GORAB: variants seen among roughly 807,000 people sequenced by gnomAD.
GORAB encodes the protein golgin, RAB6 interacting.
In GORAB, 17 loss-of-function variants were observed where a neutral mutation model predicts 29.9. The observed-to-expected ratio is 0.57, with a 90% CI of 0.39 to 0.85. The LOEUF is 0.85. Among genes scored for constraint, GORAB ranks in the 40% least tolerant of loss-of-function variants. The pLI is 0.00. For missense variants in GORAB, 442 were observed against 437.8 expected (o/e 1.01, Z -0.09); for synonymous variants, 183 against 157.2 (o/e 1.16, Z -1.23).
In GORAB at chr1:170,544,832, T is replaced by A. The variant is rs749490786; in HGVS notation, c.649T>A (p.Tyr217Asn). The change falls in exon 4 of 5, where the codon TAT becomes AAT. Residue 217 changes from tyrosine to asparagine, a missense_variant. By Grantham distance (143) the Tyr-to-Asn change is moderately radical. Coordinates refer to ENST00000367763, the MANE Select transcript of GORAB (RefSeq NM_152281.3). ...CCGGATTGATCAGGCCAGCTTAGAC[T>A]ATTCATACGCTCGGTGAGTTGGGGA... ...RNRIDQASLDYSYARKRFDRA... is the reference protein window; with the variant it reads ...RNRIDQASLDNSYARKRFDRA... 6.2e-7 allele frequency: 1 copy of A among 1,611,462 alleles called. No individual in the cohort carries two copies. Among genetic ancestry groups the A allele is most frequent in the Non-Finnish European group, 8.5e-7 (1 of 1,177,890 alleles).
intron 2 of GORAB, 35 bp downstream of exon 2, chr1:170,539,602 T>C: frequency 6.2e-7 from 1 of 1,600,996 alleles, no homozygotes; most frequent in Middle Eastern, 1.7e-4. Flanking sequence ...CATGAGACTT[T>C]TCATTTAACC....
At chr1:170,534,129 G>A (rs1648896424) in intron 1 of GORAB, among the ~76,000 whole-genome samples, 1 of 152,134 alleles carries the variant, frequency 6.6e-6, no homozygotes, top group South Asian at 2.1e-4. Flanking sequence ...TAAGAAGTTG[G>A]AAACAACCAA....
At position 170,552,167 on chromosome 1, in the gene GORAB, A is replaced by G; in HGVS notation, c.815A>G (p.Gln272Arg). The change falls in exon 5 of 5, where the codon CAA becomes CGA. Residue 272 changes from glutamine (Q) to arginine (R), a missense_variant. Transcript: ENST00000367763. ...GCCAAGAAGTTGGAGGAGTTGATGCAACAACTAGATGTAGAAGCCGATGAA... is the reference window on the plus strand; with the variant it reads ...GCCAAGAAGTTGGAGGAGTTGATGCGACAACTAGATGTAGAAGCCGATGAA... ...RKAKKLEELMQQLDVEADEET... is the reference protein window; with the variant it reads ...RKAKKLEELMRQLDVEADEET... 5.6e-6 allele frequency: 9 copies of G among 1,614,126 alleles called. No homozygotes were observed. The highest frequency in any genetic ancestry group is 5.9e-6 in the Non-Finnish European group (7 of 1,179,990).
At chr1:170,540,026 C>T (rs555297043) in intron 2 of GORAB, among the ~76,000 whole-genome samples, 8 of 148,182 alleles carry the variant, frequency 5.4e-5, no homozygotes, top group African/African-American at 1.5e-4. Context: ...AGTGCAATGG[C>T]GCAATCACAG....
rs1027062557 is a variant in GORAB at position 170,553,510 on chromosome 1, G to A, written c.*1048G>A. On this transcript the variant is annotated 3_prime_UTR_variant, in exon 5 of 5. Transcript: ENST00000367763. ...TCCAAAAAGTAAAAATATTACCTTT[G>A]AGGACTTTTTTTTTTTAAAAAAAGA... The A allele has an allele frequency of 3.0e-5, 13 of 430,270 alleles. No individual in the cohort carries two copies. The highest frequency in any genetic ancestry group is 7.9e-4 in the Middle Eastern group (1 of 1,270). The allele number at this position is 430,270 out of a possible 1,614,324, so 26.7% of individuals were successfully genotyped here.
At chr1:170,534,991 G>A (rs1045182982) in intron 1 of GORAB, among the ~76,000 whole-genome samples, 6 of 152,212 alleles carry the variant, frequency 3.9e-5, no homozygotes, top group African/African-American at 1.4e-4. Flanking sequence ...ATAAAGATTT[G>A]GTTTTCACTC....
At chr1:170,544,904 G>A in intron 4 of GORAB, 59 bp downstream of exon 4, 1 of 1,578,048 alleles carries the variant, frequency 6.3e-7, no homozygotes, top group Non-Finnish European at 8.7e-7. Context: ...TTTATTGCCA[G>A]CTGTTCCAGG....
chr1:170,551,988 G>A, intron 4 of GORAB, 27 bp from the exon 5 acceptor site: 3 of 1,591,640 alleles, frequency 1.9e-6, no homozygotes, highest in Non-Finnish European at 2.6e-6. Flanking sequence ...AAAACTGATG[G>A]ACCTATCTTT....
At chr1:170,536,258 C>A (rs1649054541) in intron 1 of GORAB, 1 of 152,054 alleles carries the variant, frequency 6.6e-6, no homozygotes, top group South Asian at 2.1e-4. Flanking sequence ...GAAATATATT[C>A]TCTTTAATTG....
intron 4 of GORAB, among the ~76,000 whole-genome samples, chr1:170,549,728 GT>G (rs1225785683): frequency 6.6e-6 from 1 of 152,104 alleles, no homozygotes; most frequent in African/African-American, 2.4e-5. Flanking sequence ...AACATAGAGG[GT>G]TATTGAAAGA....
chr1:170,552,350 C>T lies in GORAB; in HGVS notation c.998C>T (p.Ala333Val), dbSNP rs750687373. 35 of 1,613,986 alleles carry T rather than the reference C, an allele frequency of 2.2e-5. No individual in the cohort carries two copies. The highest frequency in any genetic ancestry group is 2.8e-5 in the Non-Finnish European group (33 of 1,179,960). The change falls in exon 5 of 5, where the codon GCT becomes GTT. Residue 333 changes from alanine (A) to valine (V), a missense_variant. By Grantham distance (64) the Ala-to-Val change is moderately conservative (BLOSUM62 0). Coordinates refer to ENST00000367763, the MANE Select transcript of GORAB (RefSeq NM_152281.3). Reference sequence around the variant, plus strand: ...GAGAACAGAAAGTGTCAAGAACAAGCTGTTTCCCCAAAGGTAGATGACCAG... The same window carrying T: ...GAGAACAGAAAGTGTCAAGAACAAGTTGTTTCCCCAAAGGTAGATGACCAG... ...AKENRKCQEQ[A>V]VSPKVDDQCG... is the part of the protein sequence containing the mutation.
chr1:170,539,133 A>AT (rs1380523476), intron 1 of GORAB, 77 bp from the exon 2 acceptor site: 4 of 1,560,662 alleles, frequency 2.6e-6, no homozygotes, highest in East Asian at 2.3e-5. Flanking sequence ...TTTAATGTTA[A>AT]TTTTTTATTT....
At chr1:170,540,710 G>A (rs781552405) in intron 2 of GORAB, among the ~76,000 whole-genome samples, 1 of 152,176 alleles carries the variant, frequency 6.6e-6, no homozygotes, top group African/African-American at 2.4e-5. Flanking sequence ...ATGTTATAGG[G>A]AAACTTATTC....
In GORAB at chr1:170,552,011, A is replaced by G; in HGVS notation, c.663-4A>G. On this transcript the variant is annotated splice_region_variant and splice_polypyrimidine_tract_variant and intron_variant, in intron 4 of 4. Coordinates refer to ENST00000367763, the MANE Select transcript of GORAB (RefSeq NM_152281.3). ...TGGACCTATCTTTATACACATCCTT[A>G]CAGGAAGCGGTTTGACAGGGCTGAA... 1 of 1,612,556 alleles carries G rather than the reference A, an allele frequency of 6.2e-7. No individual in the cohort carries two copies. Among genetic ancestry groups the G allele is most frequent in the African/African-American group, 1.3e-5 (1 of 75,012 alleles).
chr1:170,534,682 A>C (rs570369156), intron 1 of GORAB, among the ~76,000 whole-genome samples: 1 of 152,168 alleles, frequency 6.6e-6, no homozygotes, highest in South Asian at 2.1e-4. Flanking sequence ...ATAGTGACAT[A>C]CTGTACAGGT....
chr1:170,542,615 G>A (rs1320794391), intron 3 of GORAB, 23 bp downstream of exon 3: 3 of 1,485,790 alleles, frequency 2.0e-6, no homozygotes, highest in Non-Finnish European at 2.8e-6. Context: ...AACCAGGAGA[G>A]GCTGTTTGTA....
At position 170,532,340 on chromosome 1, in the gene GORAB, G is replaced by C. The variant is rs59005897; in HGVS notation, c.61+56G>C. On this transcript the variant is annotated intron_variant, in intron 1 of 4. Transcript: ENST00000367763. ...CTTGGGTCTTAAGGGGAAGAGGCGG[G>C]GATGCAGCTTTGGCGGGGAAAGGGG... 7.9e-4 allele frequency: 1,245 copies of C among 1,584,400 alleles called. 5 individuals are homozygous for C. In the African/African-American group the frequency reaches 0.016, roughly 20 times the overall value.
In GORAB at chr1:170,553,796, A is replaced by C. The variant is rs1650278569; in HGVS notation, c.*1334A>C. 1 of 453,330 alleles carries C rather than the reference A, an allele frequency of 2.2e-6. No homozygotes were observed. Among genetic ancestry groups the C allele is most frequent in the Admixed American group, 2.4e-5 (1 of 42,476 alleles). The allele number at this position is 453,330 out of a possible 1,614,324, so 28.1% of individuals were successfully genotyped here. ...TAAAAGCCAACAGTTTCATTGTCTA[A>C]CACACTTCTTTTTCTAAGGAATAAA... On this transcript the variant is annotated 3_prime_UTR_variant, in exon 5 of 5. Transcript: ENST00000367763.
At chr1:170,540,178 T>G (rs1649326397) in intron 2 of GORAB, among the ~76,000 whole-genome samples, 1 of 151,984 alleles carries the variant, frequency 6.6e-6, no homozygotes, top group Admixed American at 6.6e-5. Context: ...GTAGGAAATT[T>G]AGGGGACTAA....
Sources: allele counts gnomAD v4.1 joint callset (sites outside exome capture counted in the v4.1 genomes callset), GRCh38; gene constraint gnomAD v4.1.1; transcripts MANE v1.5; gene names NCBI Gene and HGNC (gene_info 2026-07-23, HGNC 2026-07-21).